The following COL14A1 variants were observed in gnomAD, a reference collection of about 807,000 sequenced individuals.
COL14A1 encodes the protein collagen alpha-1(XIV) chain.
Under a neutral mutation model 230.3 loss-of-function variants are expected in COL14A1, and 136 were observed. That is an observed-to-expected ratio of 0.59 (90% CI 0.51 to 0.68). The LOEUF (loss-of-function observed/expected upper bound fraction) is 0.68, where lower values mean the gene tolerates loss of function less well. Ranked by LOEUF, COL14A1 falls within the 30% of genes least tolerant of loss-of-function variation. COL14A1 has a pLI of 0.00. For synonymous variants in COL14A1, 792 were observed against 784.1 expected, an observed-to-expected ratio of 1.01 and a Z score of -0.17; for missense variants, 1,976 against 2,215.8, an observed-to-expected ratio of 0.89 and a Z score of 2.17.
chr8:120,192,778 C>T (rs1041427739), intron 5 of COL14A1, among the ~76,000 whole-genome samples: 9 of 152,074 alleles, frequency 5.9e-5, no homozygotes, highest in Admixed American at 1.3e-4. Context: ...CTTCCCTTCT[C>T]GCTTCATTTC....
chr8:120,133,708 C>A (rs913876052), intron 1 of COL14A1, among the ~76,000 whole-genome samples: 12 of 151,764 alleles, frequency 7.9e-5, no homozygotes, highest in African/African-American at 2.7e-4. Context: ...CAAAGTCATG[C>A]CAAAGAAGCA....
At chr8:120,329,137 TAAACTTATTTTAA>T (rs1586869336) in intron 40 of COL14A1, among the ~76,000 whole-genome samples, 2 of 152,244 alleles carry the variant, frequency 1.3e-5, no homozygotes, top group African/African-American at 4.8e-5. Context: ...TATAAACTTA[TAAACTTATTTTAA>T]AAAATGAGTT....
At chr8:120,295,135 T>C (rs1218083691) in intron 34 of COL14A1, among the ~76,000 whole-genome samples, 1 of 151,852 alleles carries the variant, frequency 6.6e-6, no homozygotes, top group Non-Finnish European at 1.5e-5. Context: ...TACTCAGAAA[T>C]GGAAAATTTC....
intron 44 of COL14A1, 63 bp downstream of exon 44, chr8:120,342,509 C>A (rs1385649591): frequency 1.3e-6 from 2 of 1,499,440 alleles, no homozygotes; most frequent in East Asian, 4.5e-5. Context: ...AAGAGAGTTT[C>A]TTTTCCCATG....
chr8:120,246,695 A>C (rs1279111654), intron 20 of COL14A1, among the ~76,000 whole-genome samples: 1 of 152,200 alleles, frequency 6.6e-6, no homozygotes, highest in Non-Finnish European at 1.5e-5. Flanking sequence ...TTGAAGTGTT[A>C]GTGGATGATC....
intron 23 of COL14A1, among the ~76,000 whole-genome samples, chr8:120,257,345 A>T (rs80153535): frequency 6.6e-6 from 1 of 152,324 alleles, no homozygotes; most frequent in African/African-American, 2.4e-5. Context: ...TTGTGAACAA[A>T]ATTAGCCACA....
Position 120,278,095 on chromosome 8 carries a change from C to A in COL14A1, c.3214-16C>A. ...GTCTACATATGTGTGAAAATGAATA[C>A]ACCTTCTCTCTCCAGGTTGCAATGG... On this transcript the variant is annotated splice_polypyrimidine_tract_variant and intron_variant, in intron 26 of 47. Transcript: ENST00000297848. 6.3e-7 allele frequency: 1 copy of A among 1,593,072 alleles called. No homozygotes were observed. Among genetic ancestry groups the A allele is most frequent in the Non-Finnish European group, 8.5e-7 (1 of 1,171,708 alleles).
rs180804241 is a variant in COL14A1 at position 120,198,012 on chromosome 8, G to A, written c.712+82G>A. On this transcript the variant is annotated intron_variant, in intron 7 of 47. Transcript: ENST00000297848. Reference sequence around the variant, plus strand: ...TACCTCATTTTGCCACTTTGTAAGCGTTATCATAATGTTTTAATTAAACTA... The same window carrying A: ...TACCTCATTTTGCCACTTTGTAAGCATTATCATAATGTTTTAATTAAACTA... 4.8e-5 allele frequency: 65 copies of A among 1,347,938 alleles called. 1 individual carries two copies. The highest frequency in any genetic ancestry group is 2.6e-4 in the African/African-American group (18 of 68,766). 83.5% of individuals were successfully genotyped at this position (1,347,938 alleles called of 1,614,324 possible).
At chr8:120,360,200 C>A (rs1823143337) in intron 45 of COL14A1, among the ~76,000 whole-genome samples, 1 of 152,176 alleles carries the variant, frequency 6.6e-6, no homozygotes. Flanking sequence ...GGACTCCAGG[C>A]TGCCTTAACC....
chr8:120,191,601 G>A (rs568640300), intron 5 of COL14A1, among the ~76,000 whole-genome samples: 44 of 152,126 alleles, frequency 2.9e-4, no homozygotes, highest in African/African-American at 1.0e-3. Flanking sequence ...GGGTATCCTT[G>A]TGAACTTTCT....
intron 42 of COL14A1, among the ~76,000 whole-genome samples, chr8:120,334,013 A>G (rs1011175197): frequency 2.6e-5 from 4 of 152,212 alleles, no homozygotes; most frequent in Non-Finnish European, 4.4e-5. Context: ...CACATAAGGT[A>G]ACATATTCAC....
intron 31 of COL14A1, among the ~76,000 whole-genome samples, chr8:120,281,678 C>T (rs1563715491): frequency 6.6e-6 from 1 of 151,968 alleles, no homozygotes; most frequent in Non-Finnish European, 1.5e-5. Flanking sequence ...AAAGTAGATT[C>T]TATTATTATC....
At chr8:120,139,486 T>C (rs1474348155) in intron 1 of COL14A1, among the ~76,000 whole-genome samples, 1 of 152,214 alleles carries the variant, frequency 6.6e-6, no homozygotes, top group Non-Finnish European at 1.5e-5. Flanking sequence ...GCCTCTGTCA[T>C]TATCTGGATA....
chr8:120,132,403 T>A (rs1401293751), intron 1 of COL14A1, among the ~76,000 whole-genome samples: 1 of 152,188 alleles, frequency 6.6e-6, no homozygotes, highest in East Asian at 1.9e-4. Context: ...TTCTAACCTG[T>A]TCCGTTTTCT....
chr8:120,221,545 T>TACACAC (rs908974335), intron 14 of COL14A1, among the ~76,000 whole-genome samples: 2 of 129,570 alleles, frequency 1.5e-5, no homozygotes, highest in Admixed American at 1.7e-4. Context: ...TTTTAACAGA[T>TACACAC]ACACACACAC....
At chr8:120,202,209 G>A (rs1429374489) in intron 8 of COL14A1, among the ~76,000 whole-genome samples, 2 of 152,138 alleles carry the variant, frequency 1.3e-5, no homozygotes, top group Non-Finnish European at 2.9e-5. Flanking sequence ...TGATGAATAG[G>A]TGAGTTTTTA....
At chr8:120,179,650 G>A (rs1160984662) in intron 5 of COL14A1, among the ~76,000 whole-genome samples, 4 of 151,994 alleles carry the variant, frequency 2.6e-5, no homozygotes, top group African/African-American at 9.7e-5. Flanking sequence ...ATCCCATCAA[G>A]CTACCATTAG....
chr8:120,153,961 A>G (rs7000103), intron 2 of COL14A1, among the ~76,000 whole-genome samples: 1 of 151,870 alleles, frequency 6.6e-6, no homozygotes, highest in Non-Finnish European at 1.5e-5. Context: ...ATTTTCCCAG[A>G]CTTTAGCCGG....
chr8:120,217,866 A>G (rs924810148), intron 14 of COL14A1, among the ~76,000 whole-genome samples: 1 of 151,024 alleles, frequency 6.6e-6, no homozygotes, highest in Non-Finnish European at 1.5e-5. Context: ...TGAGTGAAGC[A>G]TGCCATTAAA....
Sources: allele counts gnomAD v4.1 joint callset (sites outside exome capture counted in the v4.1 genomes callset), GRCh38; gene constraint gnomAD v4.1.1; transcripts MANE v1.5; gene names NCBI Gene and HGNC (gene_info 2026-07-23, HGNC 2026-07-21).